F11: variants seen among roughly 807,000 people sequenced by gnomAD.
The protein encoded by F11 is coagualtion factor XI.
F11 carries 78 observed loss-of-function variants against 76.5 expected under a neutral mutation model. The ratio of observed to expected loss-of-function variants is 1.02; its 90% CI spans 0.85 to 1.23. F11 has a LOEUF of 1.23. F11 is among the 50% of genes most tolerant of loss of function. F11 has a pLI of 0.00. For missense variants in F11, 742 were observed against 771.4 expected (o/e 0.96, Z 0.45); for synonymous variants, 278 against 276.3 (o/e 1.01, Z -0.06).
At position 186,273,079 on chromosome 4, in the gene F11, G is replaced by C. The variant is rs758461048; in HGVS notation, c.227G>C (p.Cys76Ser). The change falls in exon 4 of 15, where the codon TGT becomes TCT. Residue 76 changes from cysteine to serine, a missense_variant. By Grantham distance (112) the Cys-to-Ser change is moderately radical. Transcript: ENST00000403665. ...ATTTTTTAAAAAAACAGGTTTACTT[G>C]TGTCCTGAAAGACAGTGTTACAGAA... ...PSEDPTRWFTCVLKDSVTETL... is the reference protein window; with the variant it reads ...PSEDPTRWFTSVLKDSVTETL... 2 of 1,609,290 alleles carry C rather than the reference G, an allele frequency of 1.2e-6. No individual in the cohort carries two copies. The highest frequency in any genetic ancestry group is 1.7e-6 in the Non-Finnish European group (2 of 1,175,726).
intron 2 of F11, among the ~76,000 whole-genome samples, chr4:186,270,240 A>G (rs1051879605): frequency 1.3e-5 from 2 of 152,222 alleles, no homozygotes; most frequent in Non-Finnish European, 2.9e-5. Context: ...GCTCGTTCGC[A>G]AAAGCAGATG....
intron 13 of F11, among the ~76,000 whole-genome samples, chr4:186,287,239 G>T (rs1741270272): frequency 6.6e-6 from 1 of 151,776 alleles, no homozygotes; most frequent in South Asian, 2.1e-4. Context: ...CTTCCAAAGT[G>T]CTGGAATTAC....
chr4:186,288,678 G>T lies in F11; in HGVS notation c.*64G>T. The T allele has an allele frequency of 1.9e-6, 3 of 1,542,532 alleles. No homozygotes were observed. The highest frequency in any genetic ancestry group is 1.8e-6 in the Non-Finnish European group (2 of 1,130,822). Reference sequence around the variant, plus strand: ...AGGATTTGCTGGGAGAGGGTGTTGAGTTCACTGTGCCAGCATGCTTCCTCC... The same window carrying T: ...AGGATTTGCTGGGAGAGGGTGTTGATTTCACTGTGCCAGCATGCTTCCTCC... On this transcript the variant is annotated 3_prime_UTR_variant, in exon 15 of 15. Coordinates refer to ENST00000403665, the MANE Select transcript of F11 (RefSeq NM_000128.4).
rs1740187382 is a variant in F11 at position 186,274,119 on chromosome 4, G to A, written c.329G>A (p.Cys110Tyr). Reference sequence around the variant, plus strand: ...TGTCTTCTGCTTTTATTTCCAGCTTGCAACAAAGACATTTATGTGGACCTA... The same window carrying A: ...TGTCTTCTGCTTTTATTTCCAGCTTACAACAAAGACATTTATGTGGACCTA... ...FKQCSHQISACNKDIYVDLDM... is the reference protein window; with the variant it reads ...FKQCSHQISAYNKDIYVDLDM... The change falls in exon 5 of 15, where the codon TGC (cysteine) becomes TAC (tyrosine). Residue 110 changes from cysteine (C) to tyrosine (Y), a missense_variant. Physicochemically the swap from Cys to Tyr is radical, Grantham distance 194. Coordinates refer to ENST00000403665, the MANE Select transcript of F11 (RefSeq NM_000128.4). The A allele has an allele frequency of 6.2e-7, 1 of 1,614,020 alleles. No individual in the cohort carries two copies. The highest frequency in any genetic ancestry group is 1.1e-5 in the South Asian group (1 of 91,088).
chr4:186,283,969 G>T, intron 10 of F11, 123 bp from the exon 11 acceptor site: 1 of 1,492,798 alleles, frequency 6.7e-7, no homozygotes, highest in Non-Finnish European at 9.3e-7. Flanking sequence ...TAAAGTCTCT[G>T]TAACTCAGGG....
At chr4:186,268,823 A>T (rs971501826) in intron 2 of F11, among the ~76,000 whole-genome samples, 3 of 152,224 alleles carry the variant, frequency 2.0e-5, no homozygotes, top group Non-Finnish European at 4.4e-5. Context: ...ATAGATTTAC[A>T]TGTATACATT....
Position 186,280,535 on chromosome 4 carries a change from G to C in F11, c.1090G>C (p.Gly364Arg). ...TCCAACTAAAATACTTCACGGGAGA[G>C]GAGGCATCTCTGGATACACATTAAG... is the stretch of plus-strand genomic sequence containing the variant. ...GSPTKILHGR[G>R]GISGYTLRLC... The change falls in exon 10 of 15, where the codon GGA (glycine) becomes CGA (arginine). Residue 364 changes from glycine (G) to arginine (R), a missense_variant. Physicochemically the swap from Gly to Arg is moderately radical, Grantham distance 125. Transcript: ENST00000403665. The C allele has an allele frequency of 1.2e-6, 2 of 1,614,156 alleles. No homozygotes were observed.
Position 186,287,094 on chromosome 4 carries a change from C to G in F11, c.1576+584C>G, listed in dbSNP as rs543278312. On this transcript the variant is annotated intron_variant, in intron 13 of 14. Coordinates refer to ENST00000403665, the MANE Select transcript of F11 (RefSeq NM_000128.4). The stretch of plus-strand genomic sequence containing the variant: ...GTTCAAGTGATTCTCCTGCCTCAGC[C>G]TCCCGAGTAGCTGGGATTATAGGTA... 2.0e-5 allele frequency among the ~76,000 whole-genome samples: 3 copies of G among 152,022 alleles called. No homozygotes were observed. The East Asian group carries it at 6.0e-4, about 30-fold the overall frequency.
At chr4:186,288,375 C>A in intron 14 of F11, 78 bp from the exon 15 acceptor site, 1 of 1,591,736 alleles carries the variant, frequency 6.3e-7, no homozygotes, top group Non-Finnish European at 8.6e-7. Flanking sequence ...TAGGCAAAAT[C>A]AGCCTGAGCA....
chr4:186,268,028 G>A (rs777881443), intron 2 of F11, among the ~76,000 whole-genome samples: 152 of 151,990 alleles, frequency 1.0e-3, no homozygotes, highest in Non-Finnish European at 1.7e-3. Flanking sequence ...ATATGTCAGC[G>A]CTAAATAATT....
rs1340928778 is a variant in F11 at position 186,274,239 on chromosome 4, C to T, written c.449C>T (p.Thr150Met). Residue 150 changes from threonine to methionine, a missense_variant, in exon 5 of 15, where the codon ACG becomes ATG. Thr to Met is a moderately conservative substitution (Grantham distance 81). Transcript: ENST00000403665. ...GATGACGTCCACTGCCACTTTTTCA[C>T]GTACGCCACAAGGCAGTTTCCCAGC... ...CTDDVHCHFF[T>M]YATRQFPSLE... 7.4e-6 allele frequency: 12 copies of T among 1,614,078 alleles called. No homozygotes were observed. The highest frequency in any genetic ancestry group is 1.6e-4 in the Middle Eastern group (1 of 6,084).
intron 2 of F11, among the ~76,000 whole-genome samples, chr4:186,268,331 G>A (rs1425873304): frequency 1.3e-5 from 2 of 152,068 alleles, no homozygotes; most frequent in African/African-American, 4.8e-5. Context: ...TTTCTATCAG[G>A]GACTTGAGCG....
Position 186,285,662 on chromosome 4 carries a change from T to G in F11, c.1329T>G (p.Arg443=). The G allele has an allele frequency of 4.3e-6, 7 of 1,614,146 alleles. No individual in the cohort carries two copies. The highest frequency in any genetic ancestry group is 5.9e-6 in the Non-Finnish European group (7 of 1,180,036). ...FYGVESPKIL[R]VYSGILNQSE... The stretch of plus-strand genomic sequence containing the variant: ...GGGTAGAGTCACCTAAGATTTTGCG[T>G]GTCTACAGTGGCATTTTAAATCAAT... Residue 443 remains arginine, a synonymous_variant, in exon 12 of 15, where the codon CGT becomes CGG. Coordinates refer to ENST00000403665, the MANE Select transcript of F11 (RefSeq NM_000128.4).
chr4:186,274,388 T>C, intron 5 of F11, 113 bp downstream of exon 5: 1 of 1,344,188 alleles, frequency 7.4e-7, no homozygotes, highest in Non-Finnish European at 1.0e-6. Flanking sequence ...CTAAAAGACA[T>C]TTCTATAATA....
chr4:186,282,077 G>A (rs1206057475), intron 10 of F11: 2 of 1,215,094 alleles, frequency 1.6e-6, no homozygotes, highest in East Asian at 5.9e-5. Context: ...CCATTCTGTT[G>A]TCTTTCTTCT....
intron 5 of F11, chr4:186,274,634 A>ACTCT (rs1009731279): frequency 3.3e-6 from 1 of 298,648 alleles, no homozygotes; most frequent in Non-Finnish European, 6.4e-6. Flanking sequence ...ATAAAAACCT[A>ACTCT]CTCTCTCTCT....
rs781603424 is a variant in F11, at chr4:186,267,115, T to A, written c.-1-21T>A. 1.3e-4 allele frequency: 193 copies of A among 1,493,478 alleles called. 2 individuals carry two copies. The Admixed American group carries it at 3.2e-3, about 24-fold the overall frequency. 92.5% of individuals were successfully genotyped at this position (1,493,478 alleles called of 1,614,324 possible). A position where few individuals can be genotyped will look rare whatever the true frequency, so the allele number is the denominator to read the frequency against. ...ATTTACATTTTATGTTCTAAAAGCA[T>A]GCACCTTTTTCTCATTGTAGGATGA... On this transcript the variant is annotated intron_variant, in intron 1 of 14. Transcript: ENST00000403665.
chr4:186,284,837 C>T (rs1741066650), intron 11 of F11, among the ~76,000 whole-genome samples: 1 of 152,094 alleles, frequency 6.6e-6, no homozygotes, highest in African/African-American at 2.4e-5. Context: ...GTAGCACCAG[C>T]TGCTCAGAAG....
At chr4:186,267,092 T>C in intron 1 of F11, 44 bp from the exon 2 acceptor site, 1 of 1,296,394 alleles carries the variant, frequency 7.7e-7, no homozygotes, top group South Asian at 1.2e-5. Flanking sequence ...AATTATAAAT[T>C]TACATTTTAT....
Sources: allele counts gnomAD v4.1 joint callset (sites outside exome capture counted in the v4.1 genomes callset), GRCh38; gene constraint gnomAD v4.1.1; transcripts MANE v1.5; gene names NCBI Gene and HGNC (gene_info 2026-07-23, HGNC 2026-07-21).